Variants in LOXHD1 observed in about 807,000 individuals in gnomAD.
LOXHD1 encodes lipoxygenase homology domain-containing protein 1.
LOXHD1 carries 205 observed loss-of-function variants against 248.2 expected under a neutral mutation model. That is an observed-to-expected ratio of 0.83 (90% confidence interval 0.74 to 0.93). The LOEUF (loss-of-function observed/expected upper bound fraction) is 0.93. LOXHD1 is among the 40% of genes least tolerant of loss of function. The pLI is 0.00. For missense variants in LOXHD1, 2,930 were observed against 2,971.6 expected, an observed-to-expected ratio of 0.99 and a Z score of 0.33; for synonymous variants, 1,113 against 1,162.8, an observed-to-expected ratio of 0.96 and a Z score of 0.87.
intron 2 of LOXHD1, among the ~76,000 whole-genome samples, chr18:46,647,376 G>T (rs2039044981): frequency 6.6e-6 from 1 of 152,202 alleles, no homozygotes; most frequent in Non-Finnish European, 1.5e-5. Context: ...AAATGAAAAA[G>T]GGGAAGAATC....
At chr18:46,588,890 G>T (rs1391152115) in intron 12 of LOXHD1, among the ~76,000 whole-genome samples, 1 of 152,186 alleles carries the variant, frequency 6.6e-6, no homozygotes, top group Non-Finnish European at 1.5e-5. Flanking sequence ...GGTCAAGGGT[G>T]AGGTGAAGTG....
At position 46,636,881 on chromosome 18, in the gene LOXHD1, C is replaced by T. The variant is rs377095282; in HGVS notation, c.511+2735G>A. ...TATTTGAAGCCTGGGTGAAGTGGCTCACACCTGTAATCCCAGCACTTTGGG... is the reference window on the plus strand; with the variant it reads ...TATTTGAAGCCTGGGTGAAGTGGCTTACACCTGTAATCCCAGCACTTTGGG... On this transcript the variant is annotated intron_variant, in intron 4 of 40. Coordinates refer to ENST00000642948, the MANE Select transcript of LOXHD1 (RefSeq NM_001384474.1). Among the ~76,000 whole-genome samples the T allele has an allele frequency of 6.3e-4, 96 of 152,298 alleles. 2 individuals are homozygous for T. The highest frequency in any genetic ancestry group is 6.0e-4 in the Non-Finnish European group (41 of 68,028).
intron 25 of LOXHD1, among the ~76,000 whole-genome samples, chr18:46,540,940 T>C (rs1231990653): frequency 2.0e-5 from 3 of 152,222 alleles, no homozygotes; most frequent in Non-Finnish European, 2.9e-5. Context: ...CAAAAATTTG[T>C]TCATCACTGA....
At chr18:46,563,842 C>T (rs991257863) in intron 17 of LOXHD1, among the ~76,000 whole-genome samples, 2 of 151,850 alleles carry the variant, frequency 1.3e-5, no homozygotes, top group African/African-American at 4.8e-5. Flanking sequence ...GGAGAGACAC[C>T]AGGGATGTGG....
chr18:46,502,278 A>G (rs1046428616), intron 37 of LOXHD1, among the ~76,000 whole-genome samples: 5 of 152,170 alleles, frequency 3.3e-5, no homozygotes, highest in African/African-American at 9.7e-5. Flanking sequence ...TGGAGGCAGG[A>G]ATGGCTGAAA....
rs1211483259 is a variant in LOXHD1, at chr18:46,560,298, T to C, written c.2846A>G (p.Glu949Gly). 6.4e-7 allele frequency: 1 copy of C among 1,552,030 alleles called. No homozygotes were observed. The highest frequency in any genetic ancestry group is 8.7e-7 in the Non-Finnish European group (1 of 1,147,064). The change falls in exon 19 of 41, where the codon GAG becomes GGG. Residue 949 changes from glutamate (E) to glycine (G), a missense_variant. Coordinates refer to ENST00000642948, the MANE Select transcript of LOXHD1 (RefSeq NM_001384474.1). ...KKKKRKGSDE[E>G]DEGEEEESSS... ...CGACTCCTCTTCCTCCCCCTCGTCC[T>C]CTTCGTCGCTGCCCTTCCTCTTCTT...
chr18:46,644,992 T>G (rs1599073082), intron 2 of LOXHD1, among the ~76,000 whole-genome samples: 1 of 152,280 alleles, frequency 6.6e-6, no homozygotes, highest in Middle Eastern at 3.4e-3. Context: ...GCTTATGAGA[T>G]GGACACCAAT....
chr18:46,637,603 T>C (rs904037302), intron 4 of LOXHD1, among the ~76,000 whole-genome samples: 1 of 119,940 alleles, frequency 8.3e-6, no homozygotes, highest in Non-Finnish European at 1.9e-5. Flanking sequence ...AAAAAATTCT[T>C]TCTCTCTCTC....
At chr18:46,579,272 G>A (rs949716278) in intron 13 of LOXHD1, among the ~76,000 whole-genome samples, 14 of 152,302 alleles carry the variant, frequency 9.2e-5, no homozygotes, top group Admixed American at 7.8e-4. Flanking sequence ...CTGCTTCCCA[G>A]TGTCCTTCTG....
chr18:46,644,991 A>G (rs1308154254), intron 2 of LOXHD1, among the ~76,000 whole-genome samples: 1 of 152,178 alleles, frequency 6.6e-6, no homozygotes, highest in African/African-American at 2.4e-5. Context: ...TGCTTATGAG[A>G]TGGACACCAA....
intron 4 of LOXHD1, among the ~76,000 whole-genome samples, chr18:46,627,644 G>A (rs929939570): frequency 6.6e-6 from 1 of 151,384 alleles, no homozygotes; most frequent in Admixed American, 6.6e-5. Flanking sequence ...GGCTGGTGGT[G>A]GTTCTGGGAG....
At chr18:46,559,135 G>T in intron 20 of LOXHD1, 3 of 1,356,396 alleles carry the variant, frequency 2.2e-6, no homozygotes, top group African/African-American at 1.5e-5. Context: ...ACCATCTTGC[G>T]GCGAGGACTT....
At chr18:46,572,275 G>A (rs2037767498) in intron 14 of LOXHD1, 113 bp from the exon 15 acceptor site, 1 of 935,302 alleles carries the variant, frequency 1.1e-6, no homozygotes, top group Non-Finnish European at 1.7e-6. Context: ...CTTTAGCAAA[G>A]TGAAATGATT....
Position 46,645,238 on chromosome 18 carries a change from G to A in LOXHD1, c.246-3202C>T, listed in dbSNP as rs372143171. On this transcript the variant is annotated intron_variant, in intron 2 of 40. Transcript: ENST00000642948. ...AAAGGAGAGAGGGTTTCGGGTCAAA[G>A]GAAATCTTAGAAATCTTCATGTTTC... Among the ~76,000 whole-genome samples, 5 of 152,332 alleles carry A rather than the reference G, an allele frequency of 3.3e-5. No individual in the cohort carries two copies. In the East Asian group the frequency reaches 5.8e-4, roughly 18 times the overall value.
At chr18:46,576,579 T>TGCCTG (rs1472111235) in intron 14 of LOXHD1, among the ~76,000 whole-genome samples, 2 of 152,234 alleles carry the variant, frequency 1.3e-5, no homozygotes, top group African/African-American at 2.4e-5. Flanking sequence ...CCTGGAAGCC[T>TGCCTG]GCCTGGCCTG....
At chr18:46,521,778 T>C (rs1177770297) in intron 32 of LOXHD1, among the ~76,000 whole-genome samples, 1 of 152,180 alleles carries the variant, frequency 6.6e-6, no homozygotes, top group Non-Finnish European at 1.5e-5. Flanking sequence ...CCCCACTAAC[T>C]CACACCTAGA....
intron 28 of LOXHD1, among the ~76,000 whole-genome samples, chr18:46,531,192 G>T (rs915552633): frequency 6.6e-6 from 1 of 151,946 alleles, no homozygotes; most frequent in African/African-American, 2.4e-5. Context: ...CAGAGACACC[G>T]CCAGGGGCAG....
chr18:46,508,835 C>T (rs1286659817), intron 35 of LOXHD1, among the ~76,000 whole-genome samples: 1 of 152,138 alleles, frequency 6.6e-6, no homozygotes, highest in Non-Finnish European at 1.5e-5. Flanking sequence ...AGCCCTTGGA[C>T]TCCTAACATC....
intron 31 of LOXHD1, among the ~76,000 whole-genome samples, chr18:46,523,327 A>C (rs11664736): frequency 0.071 from 10,812 of 152,156 alleles, 516 homozygotes; most frequent in Non-Finnish European, 0.1. Flanking sequence ...TCTGCTTGGA[A>C]TATGGATGTG....
Sources: allele counts gnomAD v4.1 joint callset (sites outside exome capture counted in the v4.1 genomes callset), GRCh38; gene constraint gnomAD v4.1.1; transcripts MANE v1.5; gene names NCBI Gene and HGNC (gene_info 2026-07-23, HGNC 2026-07-21).